EDC4: variants seen among roughly 807,000 people sequenced by gnomAD.
The protein encoded by EDC4 is enhancer of mRNA decapping 4, also known as enhancer of mRNA-decapping protein 4.
Under a neutral mutation model 155.8 loss-of-function variants are expected in EDC4, and 64 were observed. The ratio of observed to expected loss-of-function variants is 0.41; its 90% CI spans 0.34 to 0.51. The LOEUF is 0.51. Ranked by LOEUF, EDC4 falls within the 20% of genes least tolerant of loss-of-function variation. EDC4 has a pLI of 0.19. For synonymous variants in EDC4, 684 were observed against 716.8 expected, an observed-to-expected ratio of 0.95 and a Z score of 0.73; for missense variants, 1,303 against 1,812.5, an observed-to-expected ratio of 0.72 and a Z score of 5.10.
At position 67,883,049 on chromosome 16, in the gene EDC4, A is replaced by G; in HGVS notation, c.3721A>G (p.Ser1241Gly). Residue 1241 changes from serine (S) to glycine (G), a missense_variant, in exon 27 of 29, where the codon AGC becomes GGC. This residue lies in a region of EDC4 where 527 missense variants were observed against 757.0 expected (regional missense o/e 0.70). Coordinates refer to ENST00000358933, the MANE Select transcript of EDC4 (RefSeq NM_014329.5). The surrounding 1 kb of genome is among the most constrained non-coding windows in gnomAD (Gnocchi z 5.3). Reference protein sequence around the residue: ...LKEQQAAVTSSIMQAMRSAAG... With the variant: ...LKEQQAAVTSGIMQAMRSAAG... ...GGAGCAGCAGGCCGCCGTCACCTCC[A>G]GCATCATGCAGGCCATGCGCTCAGC... 1 of 1,613,794 alleles carries G rather than the reference A, an allele frequency of 6.2e-7. No individual in the cohort carries two copies. Among genetic ancestry groups the G allele is most frequent in the South Asian group, 1.1e-5 (1 of 91,086 alleles).
At position 67,880,006 on chromosome 16, in the gene EDC4, GC is replaced by G. The variant is rs2058058955; in HGVS notation, c.1943+36del. On this transcript the variant is annotated intron_variant, in intron 16 of 28. Transcript: ENST00000358933. The surrounding 1 kb of genome is among the most constrained non-coding windows in gnomAD (Gnocchi z 5.2). ...GGGTCAGAGATGGAGGATGGCAGGGGCTGGTACCAGATGATGCCAAGCTCTG... is the reference window on the plus strand; with the variant it reads ...GGGTCAGAGATGGAGGATGGCAGGGGTGGTACCAGATGATGCCAAGCTCTG... 2 of 1,591,530 alleles carry G rather than the reference GC, an allele frequency of 1.3e-6. No individual in the cohort carries two copies. Among genetic ancestry groups the G allele is most frequent in the Non-Finnish European group, 1.7e-6 (2 of 1,165,368 alleles).
rs1353689332 is a variant in EDC4, at chr16:67,882,291, C to T, written c.3240C>T (p.Ser1080=). Residue 1080 remains serine (S), a synonymous_variant, in exon 24 of 29, where the codon AGC becomes AGT. Transcript: ENST00000358933. The surrounding 1 kb of genome is among the most constrained non-coding windows in gnomAD (Gnocchi z 7.2). ...CCAAGCTCACAGCTGTGGAGGGCAGCATGAAAGAGAACATCTCCAAGCTGC... is the reference window on the plus strand; with the variant it reads ...CCAAGCTCACAGCTGTGGAGGGCAGTATGAAAGAGAACATCTCCAAGCTGC... ...VATKLTAVEG[S]MKENISKLLK... 6.2e-7 allele frequency: 1 copy of T among 1,612,960 alleles called. No individual in the cohort carries two copies. The highest frequency in any genetic ancestry group is 1.3e-5 in the African/African-American group (1 of 74,916).
At position 67,878,960 on chromosome 16, in the gene EDC4, C is replaced by T. The variant is rs2058053164; in HGVS notation, c.1291C>T (p.Leu431Phe). 2 of 1,610,320 alleles carry T rather than the reference C, an allele frequency of 1.2e-6. No homozygotes were observed. The highest frequency in any genetic ancestry group is 1.7e-6 in the Non-Finnish European group (2 of 1,178,474). Residue 431 changes from leucine to phenylalanine, a missense_variant, in exon 12 of 29, where the codon CTC becomes TTC. Leu to Phe is a conservative substitution (Grantham distance 22, BLOSUM62 0). Coordinates refer to ENST00000358933, the MANE Select transcript of EDC4 (RefSeq NM_014329.5). This position sits in a 1 kb window ranked among gnomAD's most constrained non-coding sequence, Gnocchi z 5.2. ...TAGGAACGTTCTGCCTGTGCAGGTC[C>T]TCTATGTGATGGAGCTGCTGCAAAA... ...LILSDVQRKV[L>F]YVMELLQNQE...
At position 67,877,251 on chromosome 16, in the gene EDC4, C is replaced by A; in HGVS notation, c.486C>A (p.Ile162=). Residue 162 remains isoleucine (I), a synonymous_variant, in exon 5 of 29, where the codon ATC becomes ATA. Coordinates refer to ENST00000358933, the MANE Select transcript of EDC4 (RefSeq NM_014329.5). This position sits in a 1 kb window ranked among gnomAD's most constrained non-coding sequence, Gnocchi z 4.9. ...ANNGSAMVRV[I]SVSTSERTLL... ...ATGGCTCTGCCATGGTGCGGGTGAT[C>A]AGCGTCAGCACTTCGGAGCGGACCT... 6.2e-7 allele frequency: 1 copy of A among 1,614,068 alleles called. No individual in the cohort carries two copies. Among genetic ancestry groups the A allele is most frequent in the African/African-American group, 1.3e-5 (1 of 75,060 alleles).
rs1209251310 is a variant in EDC4, at chr16:67,883,345, C to A, written c.3849+168C>A. ...CCCTGCTGCTTCCTCTTCCTGGACC[C>A]CTTTCTTCCCACCTAGCCCACCTTG... On this transcript the variant is annotated intron_variant, in intron 27 of 28. Coordinates refer to ENST00000358933, the MANE Select transcript of EDC4 (RefSeq NM_014329.5). This position sits in a 1 kb window ranked among gnomAD's most constrained non-coding sequence, Gnocchi z 5.3. 7.6e-6 allele frequency: 10 copies of A among 1,317,302 alleles called. No individual in the cohort carries two copies. The highest frequency in any genetic ancestry group is 1.5e-5 in the African/African-American group (1 of 67,682). 81.6% of individuals were successfully genotyped at this position (1,317,302 alleles called of 1,614,324 possible).
In EDC4 at chr16:67,873,162, G is replaced by C. The variant is rs1271164299; in HGVS notation, c.-100G>C. ...CTGCGGGTGGACTGTGTAGTGACCG[G>C]CGTCCCGCTGTCTCGCCCCGTGGCG... On this transcript the variant is annotated 5_prime_UTR_variant, in exon 1 of 29. Transcript: ENST00000358933. The C allele has an allele frequency of 1.1e-6, 1 of 923,358 alleles. No homozygotes were observed. The highest frequency in any genetic ancestry group is 1.5e-6 in the Non-Finnish European group (1 of 671,544). 57.2% of individuals were successfully genotyped at this position (923,358 alleles called of 1,614,324 possible).
Position 67,876,205 on chromosome 16 carries a change from T to C in EDC4, c.239+104T>C. On this transcript the variant is annotated intron_variant, in intron 2 of 28. Coordinates refer to ENST00000358933, the MANE Select transcript of EDC4 (RefSeq NM_014329.5). The surrounding 1 kb of genome is among the most constrained non-coding windows in gnomAD (Gnocchi z 5.8). ...AGCGGGGCCAGCAGCCTCTGCTGCT[T>C]CCTCTCTAGATGACCTGGGGTGGAG... 1 of 1,294,520 alleles carries C rather than the reference T, an allele frequency of 7.7e-7. No homozygotes were observed. Among genetic ancestry groups the C allele is most frequent in the Non-Finnish European group, 1.1e-6 (1 of 917,500 alleles). The allele number at this position is 1,294,520 out of a possible 1,614,324, so 80.2% of individuals were successfully genotyped here. A position where few individuals can be genotyped will look rare whatever the true frequency, so the allele number is the denominator to read the frequency against.
At position 67,877,186 on chromosome 16, in the gene EDC4, T is replaced by C. The variant is rs778706290; in HGVS notation, c.452-31T>C. Reference sequence around the variant, plus strand: ...CTGCTACTGCCTGAGCCTGGATACGTATTCATGGTCCACTGCTCTCCTGAT... The same window carrying C: ...CTGCTACTGCCTGAGCCTGGATACGCATTCATGGTCCACTGCTCTCCTGAT... On this transcript the variant is annotated intron_variant, in intron 4 of 28. Coordinates refer to ENST00000358933, the MANE Select transcript of EDC4 (RefSeq NM_014329.5). The surrounding 1 kb of genome is among the most constrained non-coding windows in gnomAD (Gnocchi z 4.9). The C allele has an allele frequency of 6.3e-7, 1 of 1,595,674 alleles. No individual in the cohort carries two copies. The highest frequency in any genetic ancestry group is 1.7e-5 in the Admixed American group (1 of 58,690).
At position 67,878,907 on chromosome 16, in the gene EDC4, A is replaced by G; in HGVS notation, c.1288-50A>G. 2 of 1,611,134 alleles carry G rather than the reference A, an allele frequency of 1.2e-6. No individual in the cohort carries two copies. The highest frequency in any genetic ancestry group is 1.7e-6 in the Non-Finnish European group (2 of 1,179,852). On this transcript the variant is annotated intron_variant, in intron 11 of 28. Coordinates refer to ENST00000358933, the MANE Select transcript of EDC4 (RefSeq NM_014329.5). This position sits in a 1 kb window ranked among gnomAD's most constrained non-coding sequence, Gnocchi z 5.2. ...AGGAAGGCCGGGGGGCAGGTGGCGCATCACAGCCCTTAGCCTCTGAGCTCA... is the reference window on the plus strand; with the variant it reads ...AGGAAGGCCGGGGGGCAGGTGGCGCGTCACAGCCCTTAGCCTCTGAGCTCA...
chr16:67,878,284 G>A lies in EDC4; in HGVS notation c.1004+9G>A. ...GGGCAAGATGAGCCAAGGTAAGGCA[G>A]GGCCTCAGGGACCAGGATCCTCCCG... On this transcript the variant is annotated intron_variant, in intron 8 of 28. Transcript: ENST00000358933. The surrounding 1 kb of genome is among the most constrained non-coding windows in gnomAD (Gnocchi z 5.2). 1 of 1,614,184 alleles carries A rather than the reference G, an allele frequency of 6.2e-7. No individual in the cohort carries two copies. Among genetic ancestry groups the A allele is most frequent in the South Asian group, 1.1e-5 (1 of 91,088 alleles).
intron 1 of EDC4, among the ~76,000 whole-genome samples, chr16:67,873,839 C>G (rs1230201049): frequency 2.0e-5 from 3 of 152,182 alleles, no homozygotes; most frequent in Non-Finnish European, 2.9e-5. Flanking sequence ...TGTCCAGTCT[C>G]AATTCCGTGT....
Position 67,877,266 on chromosome 16 carries a change from G to C in EDC4, c.501G>C (p.Ser167=), listed in dbSNP as rs752004580. Residue 167 remains serine, a synonymous_variant, in exon 5 of 29, where the codon TCG becomes TCC. Transcript: ENST00000358933. This position sits in a 1 kb window ranked among gnomAD's most constrained non-coding sequence, Gnocchi z 4.9. The part of the protein sequence containing the change: ...AMVRVISVST[S]ERTLLKGFTG... ...TGCGGGTGATCAGCGTCAGCACTTC[G>C]GAGCGGACCTTGCTCAAGGGCTTCA... 14 of 1,614,046 alleles carry C rather than the reference G, an allele frequency of 8.7e-6. 1 individual carries two copies. Among genetic ancestry groups the C allele is most frequent in the Admixed American group, 1.7e-5 (1 of 59,998 alleles).
Position 67,877,412 on chromosome 16 carries a change from CA to C in EDC4, c.641+7del. 6.2e-7 allele frequency: 1 copy of C among 1,612,008 alleles called. No homozygotes were observed. The highest frequency in any genetic ancestry group is 1.1e-5 in the South Asian group (1 of 91,022). On this transcript the variant is annotated splice_region_variant and intron_variant, in intron 5 of 28. Coordinates refer to ENST00000358933, the MANE Select transcript of EDC4 (RefSeq NM_014329.5). This position sits in a 1 kb window ranked among gnomAD's most constrained non-coding sequence, Gnocchi z 4.9. Reference sequence around the variant, plus strand: ...CTGGTTAATGGCAAAATTCAGTATCCATTCCTTCCTGTGGGTGGTGGGACTG... The same window carrying C: ...CTGGTTAATGGCAAAATTCAGTATCCTTCCTTCCTGTGGGTGGTGGGACTG...
chr16:67,880,989 A>C lies in EDC4; in HGVS notation c.2530A>C (p.Ser844Arg). Residue 844 changes from serine to arginine, a missense_variant and splice_region_variant, in exon 18 of 29, where the codon AGC (serine) becomes CGC (arginine). By Grantham distance (110) the Ser-to-Arg change is moderately radical. Coordinates refer to ENST00000358933, the MANE Select transcript of EDC4 (RefSeq NM_014329.5). This position sits in a 1 kb window ranked among gnomAD's most constrained non-coding sequence, Gnocchi z 5.2. Reference protein sequence around the residue: ...TRETCSTLAESPRNGLQEKHK... With the variant: ...TRETCSTLAERPRNGLQEKHK... ...TGAGACCTGCAGCACCCTGGCAGAA[A>C]GGTGAGGAGCTTGGGAGGGGAAAAG... 6.2e-7 allele frequency: 1 copy of C among 1,613,522 alleles called. No homozygotes were observed. The highest frequency in any genetic ancestry group is 8.5e-7 in the Non-Finnish European group (1 of 1,179,662).
rs780570009 is a variant in EDC4 at position 67,876,055 on chromosome 16, G to A, written c.193G>A (p.Gly65Ser). 1 of 1,614,194 alleles carries A rather than the reference G, an allele frequency of 6.2e-7. No homozygotes were observed. Among genetic ancestry groups the A allele is most frequent in the Non-Finnish European group, 8.5e-7 (1 of 1,180,026 alleles). The stretch of plus-strand genomic sequence containing the variant: ...TGATAGTACCTCAGCAAACAAGACT[G>A]GTCTTCGGACCATGCCACCCATTAA... ...SGDSTSANKT[G>S]LRTMPPINLQ... The change falls in exon 2 of 29, where the codon GGT becomes AGT. Residue 65 changes from glycine to serine, a missense_variant. Coordinates refer to ENST00000358933, the MANE Select transcript of EDC4 (RefSeq NM_014329.5). This position sits in a 1 kb window ranked among gnomAD's most constrained non-coding sequence, Gnocchi z 5.8.
chr16:67,876,606 A>G lies in EDC4; in HGVS notation c.351+7A>G, dbSNP rs1302705651. On this transcript the variant is annotated splice_region_variant and intron_variant, in intron 3 of 28. Transcript: ENST00000358933. The surrounding 1 kb of genome is among the most constrained non-coding windows in gnomAD (Gnocchi z 5.8). ...GGCCCGGGGAAGCAACAAGGTAGGT[A>G]CTGGGATGCTGTGGCATATATAATG... is the stretch of plus-strand genomic sequence containing the variant. 6.2e-7 allele frequency: 1 copy of G among 1,613,856 alleles called. No individual in the cohort carries two copies. The highest frequency in any genetic ancestry group is 1.7e-5 in the Admixed American group (1 of 59,988).
At position 67,878,490 on chromosome 16, in the gene EDC4, C is replaced by T; in HGVS notation, c.1089-46C>T. The T allele has an allele frequency of 6.2e-7, 1 of 1,614,194 alleles. No individual in the cohort carries two copies. Among genetic ancestry groups the T allele is most frequent in the East Asian group, 2.2e-5 (1 of 44,884 alleles). The stretch of plus-strand genomic sequence containing the variant: ...TGGGTGGTGGGCTGGACCATGGCTC[C>T]CAGCAGGGGCCCCAGCCAGTCACTC... On this transcript the variant is annotated intron_variant, in intron 9 of 28. Transcript: ENST00000358933. The surrounding 1 kb of genome is among the most constrained non-coding windows in gnomAD (Gnocchi z 5.2).
Position 67,881,735 on chromosome 16 carries a change from G to T in EDC4, c.2894G>T (p.Arg965Leu), listed in dbSNP as rs763409752. Residue 965 changes from arginine (R) to leucine (L), a missense_variant, in exon 22 of 29, where the codon CGG becomes CTG. Coordinates refer to ENST00000358933, the MANE Select transcript of EDC4 (RefSeq NM_014329.5). The surrounding 1 kb of genome is among the most constrained non-coding windows in gnomAD (Gnocchi z 5.4). ...CAGCAGAGAGAGCTGGCAGAGCTGC[G>T]GCACAGCCAGGAAGAGCTGCTGCAG... Reference protein sequence around the residue: ...WQQQRELAELRHSQEELLQRL... With the variant: ...WQQQRELAELLHSQEELLQRL... 88 of 1,613,956 alleles carry T rather than the reference G, an allele frequency of 5.5e-5. No homozygotes were observed. Among genetic ancestry groups the T allele is most frequent in the Non-Finnish European group, 2.9e-5 (34 of 1,180,006 alleles).
Position 67,881,925 on chromosome 16 carries a change from T to C in EDC4, c.3005-29T>C. On this transcript the variant is annotated intron_variant, in intron 22 of 28. Transcript: ENST00000358933. This position sits in a 1 kb window ranked among gnomAD's most constrained non-coding sequence, Gnocchi z 5.4. ...GCCTGGGAAGGAGTACACGACCTGC[T>C]CCAGGCCCGTTCCTTAGCTATGGCG... 6.2e-7 allele frequency: 1 copy of C among 1,603,834 alleles called. No individual in the cohort carries two copies. Among genetic ancestry groups the C allele is most frequent in the Non-Finnish European group, 8.5e-7 (1 of 1,173,024 alleles).
Sources: gnomAD v4.1 joint callset for allele counts (sites outside exome capture counted in the v4.1 genomes callset) on GRCh38, gnomAD v4.1.1 for gene constraint, gnomAD v4.1.1 regional missense constraint, Gnocchi (gnomAD v3.1) non-coding constraint, MANE v1.5 for transcripts, NCBI Gene and HGNC (gene_info 2026-07-23, HGNC 2026-07-21) for gene names.